LAMA3: variants seen among roughly 807,000 people sequenced by gnomAD.
The protein encoded by LAMA3 is laminin subunit alpha-3.
A neutral mutation model predicts 402.0 loss-of-function variants in LAMA3; 281 were observed. The observed-to-expected ratio is 0.70, with a 90% CI of 0.63 to 0.77. The LOEUF (loss-of-function observed/expected upper bound fraction) is 0.77, where lower values mean the gene tolerates loss of function less well. LAMA3 is among the 30% of genes least tolerant of loss of function. LAMA3 has a pLI of 0.00. For synonymous variants in LAMA3, 1,431 were observed against 1,558.4 expected, an observed-to-expected ratio of 0.92 and a Z score of 1.93; for missense variants, 3,840 against 4,215.5, an observed-to-expected ratio of 0.91 and a Z score of 2.47.
At chr18:23,926,240 C>T (rs1022127966) in intron 62 of LAMA3, among the ~76,000 whole-genome samples, 4 of 152,182 alleles carry the variant, frequency 2.6e-5, no homozygotes, top group Non-Finnish European at 2.9e-5. Flanking sequence ...CATAGAGCTT[C>T]GTGCAAAATA....
intron 11 of LAMA3, among the ~76,000 whole-genome samples, chr18:23,779,439 TGCTG>T (rs2062391336): frequency 6.6e-6 from 1 of 152,060 alleles, no homozygotes; most frequent in African/African-American, 2.4e-5. Flanking sequence ...CAACAGGATT[TGCTG>T]AGGGATTGCT....
chr18:23,761,721 T>A (rs2061973685), intron 7 of LAMA3, among the ~76,000 whole-genome samples: 1 of 152,210 alleles, frequency 6.6e-6, no homozygotes, highest in Non-Finnish European at 1.5e-5. Context: ...ACAGTGAAAT[T>A]TTATTTTATT....
intron 2 of LAMA3, among the ~76,000 whole-genome samples, chr18:23,722,299 T>G (rs1044358080): frequency 7.9e-5 from 12 of 152,224 alleles, no homozygotes; most frequent in African/African-American, 2.9e-4. Flanking sequence ...CCTGCTTCCC[T>G]CTGAGCTGTT....
Position 23,847,657 on chromosome 18 carries a change from C to G in LAMA3, c.4125C>G (p.Ser1375Arg), listed in dbSNP as rs755764819. The change falls in exon 32 of 75, where the codon AGC becomes AGG. Residue 1375 changes from serine (S) to arginine (R), a missense_variant. Ser to Arg is a moderately radical substitution (Grantham distance 110). Around this residue, in one of 3 missense-constraint regions of LAMA3, gnomAD observed 2,109 missense variants for 2,376.0 expected, o/e 0.89. Transcript: ENST00000313654. ...EAAMPECDRD[S>R]GQCRCKPRIT... ...CCATGCCGGAGTGTGACCGGGACAG[C>G]GGGCAGTGCAGGTGAGCTGGGGGAG... The G allele has an allele frequency of 1.1e-5, 17 of 1,613,316 alleles. 1 individual carries two copies. The highest frequency in any genetic ancestry group is 1.4e-5 in the Non-Finnish European group (17 of 1,179,828).
intron 4 of LAMA3, among the ~76,000 whole-genome samples, chr18:23,750,371 C>T (rs2061724203): frequency 7.0e-6 from 1 of 143,394 alleles, no homozygotes; most frequent in African/African-American, 2.6e-5. Flanking sequence ...TTCATATTTC[C>T]AATGGTTGAC....
chr18:23,784,715 C>CGG (rs1413649382), intron 12 of LAMA3, among the ~76,000 whole-genome samples: 3 of 152,056 alleles, frequency 2.0e-5, no homozygotes, highest in Non-Finnish European at 4.4e-5. Flanking sequence ...GTGTCTGGTC[C>CGG]GGTCCCTAGA....
At chr18:23,736,258 A>G (rs1188159581) in intron 2 of LAMA3, among the ~76,000 whole-genome samples, 2 of 149,742 alleles carry the variant, frequency 1.3e-5, no homozygotes, top group Non-Finnish European at 3.0e-5. Flanking sequence ...GTATTTTTAG[A>G]CTTTGTATAA....
At chr18:23,873,335 C>T (rs963075817) in intron 38 of LAMA3, 117 of 894,872 alleles carry the variant, frequency 1.3e-4, no homozygotes. Context: ...CTGATGGCCT[C>T]CCAGTCACCT....
intron 34 of LAMA3, among the ~76,000 whole-genome samples, chr18:23,860,925 C>T (rs920697549): frequency 2.6e-5 from 4 of 152,104 alleles, no homozygotes; most frequent in Admixed American, 2.6e-4. Context: ...CTCCTGACCT[C>T]AGGTGATCCA....
At chr18:23,701,699 T>C (rs2060792149) in intron 1 of LAMA3, among the ~76,000 whole-genome samples, 1 of 152,110 alleles carries the variant, frequency 6.6e-6, no homozygotes, top group Admixed American at 6.5e-5. Context: ...AGGAAATGAT[T>C]TGCAATTTCC....
rs192928885 is a variant in LAMA3 at position 23,919,011 on chromosome 18, G to T, written c.7924-1924G>T. On this transcript the variant is annotated intron_variant, in intron 60 of 74. Transcript: ENST00000313654. ...CACGGCAGTTGTTTTACAAAACAAG[G>T]TCTTCTTTGTATATAATTTGAAGTT... Among the ~76,000 whole-genome samples the T allele has an allele frequency of 2.8e-3, 427 of 152,284 alleles. 2 individuals are homozygous for T. Among genetic ancestry groups the T allele is most frequent in the African/African-American group, 9.9e-3 (410 of 41,554 alleles).
chr18:23,749,580 C>A, intron 4 of LAMA3, 34 bp downstream of exon 4: 14 of 1,243,154 alleles, frequency 1.1e-5, no homozygotes, highest in Non-Finnish European at 1.7e-5. Context: ...AGAGATAAGA[C>A]TCAGAAATGA....
Position 23,845,086 on chromosome 18 carries a change from G to A in LAMA3, c.3681G>A (p.Glu1227=). 1 of 1,612,630 alleles carries A rather than the reference G, an allele frequency of 6.2e-7. No homozygotes were observed. Residue 1227 remains glutamate, a synonymous_variant, in exon 30 of 75, where the codon GAG becomes GAA. Transcript: ENST00000313654. The stretch of plus-strand genomic sequence containing the variant: ...AAAAATCCATGGACAAGTCACTCGA[G>A]TTTATCACCAATTGTGGAAAAAACA... ...LHKKSMDKSL[E]FITNCGKNSF... is the part of the protein sequence containing the mutation.
At chr18:23,783,633 T>A (rs575654235) in intron 11 of LAMA3, among the ~76,000 whole-genome samples, 1 of 152,242 alleles carries the variant, frequency 6.6e-6, no homozygotes, top group South Asian at 2.1e-4. Flanking sequence ...TAGGGCTGAA[T>A]TGATGTTAGT....
intron 2 of LAMA3, among the ~76,000 whole-genome samples, chr18:23,745,731 T>C (rs1352263129): frequency 6.6e-6 from 1 of 152,254 alleles, no homozygotes. Context: ...CTTAACATGG[T>C]ATGTGGAAAG....
chr18:23,915,194 C>A, intron 58 of LAMA3, 95 bp from the exon 59 acceptor site: 2 of 1,369,632 alleles, frequency 1.5e-6, no homozygotes, highest in East Asian at 2.3e-5. Context: ...TTAATTAACC[C>A]TTATGCCATA....
At chr18:23,902,121 G>C (rs975772648) in intron 48 of LAMA3, among the ~76,000 whole-genome samples, 1 of 152,154 alleles carries the variant, frequency 6.6e-6, no homozygotes, top group African/African-American at 2.4e-5. Context: ...CCAGGAGTTT[G>C]AGACCAGCCT....
At position 23,907,743 on chromosome 18, in the gene LAMA3, G is replaced by C. The variant is rs767375912; in HGVS notation, c.6836-13G>C. The C allele has an allele frequency of 8.1e-6, 13 of 1,614,070 alleles. No individual in the cohort carries two copies. Among genetic ancestry groups the C allele is most frequent in the Non-Finnish European group, 1.0e-5 (12 of 1,179,938 alleles). ...TTTAGATACTTATACCTCCCTATCT[G>C]TGTGTGCATTAGGTGATATTGATGC... On this transcript the variant is annotated splice_polypyrimidine_tract_variant and intron_variant, in intron 53 of 74. Transcript: ENST00000313654.
intron 74 of LAMA3, among the ~76,000 whole-genome samples, chr18:23,954,161 G>A (rs1351650033): frequency 1.3e-5 from 2 of 152,074 alleles, no homozygotes; most frequent in Admixed American, 6.5e-5. Context: ...CAGAGCTTTG[G>A]GAGGCTGAGG....
Sources: gnomAD v4.1 joint callset for allele counts (sites outside exome capture counted in the v4.1 genomes callset) on GRCh38, gnomAD v4.1.1 for gene constraint, gnomAD v4.1.1 regional missense constraint, MANE v1.5 for transcripts, NCBI Gene and HGNC (gene_info 2026-07-23, HGNC 2026-07-21) for gene names.